Variants in ZNF611 observed in about 807,000 individuals in gnomAD.
ZNF611 encodes the protein zinc finger protein 611.
A neutral mutation model predicts 8.9 loss-of-function variants in ZNF611; 6 were observed. The ratio of observed to expected loss-of-function variants is 0.68; its 90% CI spans 0.37 to 1.34. The LOEUF (loss-of-function observed/expected upper bound fraction) is 1.34, where lower values mean the gene tolerates loss of function less well. ZNF611 is among the 40% of genes most tolerant of loss of function. The pLI is 0.02. For synonymous variants in ZNF611, 262 were observed against 279.7 expected, an observed-to-expected ratio of 0.94 and a Z score of 0.63; for missense variants, 874 against 841.3, an observed-to-expected ratio of 1.04 and a Z score of -0.48.
At position 52,706,185 on chromosome 19, in the gene ZNF611, T is replaced by A. The variant is rs540713105; in HGVS notation, c.870A>T (p.Lys290Asn). The A allele has an allele frequency of 6.2e-7, 1 of 1,614,134 alleles. No individual in the cohort carries two copies. Among genetic ancestry groups the A allele is most frequent in the African/African-American group, 1.3e-5 (1 of 75,038 alleles). The change falls in exon 6 of 6, where the codon AAA becomes AAT. Residue 290 changes from lysine to asparagine, a missense_variant. Transcript: ENST00000652185. ...CHTVEKPYKCKECGKTFSQES... is the reference protein window; with the variant it reads ...CHTVEKPYKCNECGKTFSQES... ...CCTGACTGAAGGTCTTGCCACACTC[T>A]TTACACTTGTAAGGTTTCTCAACAG...
At chr19:52,719,717 C>T (rs1192028484) in intron 3 of ZNF611, among the ~76,000 whole-genome samples, 1 of 152,212 alleles carries the variant, frequency 6.6e-6, no homozygotes, top group African/African-American at 2.4e-5. Context: ...TCCCCCTGGA[C>T]TTCTGCTCAT....
At chr19:52,734,035 C>T (rs1396116873) in intron 1 of ZNF611, among the ~76,000 whole-genome samples, 1 of 152,032 alleles carries the variant, frequency 6.6e-6, no homozygotes, top group Non-Finnish European at 1.5e-5. Context: ...GCTCTGTCTG[C>T]CCTGGCTCCA....
At position 52,704,420 on chromosome 19, in the gene ZNF611, C is replaced by G; in HGVS notation, c.*517G>C. 4.3e-6 allele frequency: 3 copies of G among 695,622 alleles called. No individual in the cohort carries two copies. Among genetic ancestry groups the G allele is most frequent in the South Asian group, 4.3e-5 (3 of 70,340 alleles). 43.1% of individuals were successfully genotyped at this position (695,622 alleles called of 1,614,324 possible). A position where few individuals can be genotyped will look rare whatever the true frequency, so the allele number is the denominator to read the frequency against. ...TGTGAACGTGAAGCAAAGGCTTTGC[C>G]ACAATCATCACACTTGTGAGGTTTC... On this transcript the variant is annotated 3_prime_UTR_variant, in exon 6 of 6. Coordinates refer to ENST00000652185, the MANE Select transcript of ZNF611 (RefSeq NM_001161499.2).
chr19:52,727,268 A>G (rs758775515), intron 3 of ZNF611, among the ~76,000 whole-genome samples: 2 of 141,630 alleles, frequency 1.4e-5, no homozygotes, highest in Non-Finnish European at 2.9e-5. Flanking sequence ...GATAATAGAG[A>G]AAGAAAGAAT....
intron 5 of ZNF611, chr19:52,707,615 C>T (rs1310592442): frequency 1.3e-5 from 2 of 151,164 alleles, no homozygotes; most frequent in Non-Finnish European, 2.9e-5. Flanking sequence ...TAAGAACAGG[C>T]ACTTTGTGAC....
Position 52,704,436 on chromosome 19 carries a change from G to C in ZNF611, c.*501C>G. On this transcript the variant is annotated 3_prime_UTR_variant, in exon 6 of 6. Coordinates refer to ENST00000652185, the MANE Select transcript of ZNF611 (RefSeq NM_001161499.2). ...AGGCTTTGCCACAATCATCACACTT[G>C]TGAGGTTTCTCTCCTGTATAAATTC... 1.4e-6 allele frequency: 1 copy of C among 717,392 alleles called. No homozygotes were observed. The highest frequency in any genetic ancestry group is 2.6e-6 in the Non-Finnish European group (1 of 388,602). 44.4% of individuals were successfully genotyped at this position (717,392 alleles called of 1,614,324 possible).
intron 3 of ZNF611, among the ~76,000 whole-genome samples, chr19:52,722,905 G>GTTTTTTT (rs372056346): frequency 6.7e-5 from 8 of 119,976 alleles, no homozygotes; most frequent in Non-Finnish European, 1.0e-4. Flanking sequence ...TTTTGTTTTC[G>GTTTTTTT]TTTTTTTTTT....
intron 5 of ZNF611, among the ~76,000 whole-genome samples, chr19:52,709,658 C>T (rs1458927037): frequency 6.6e-6 from 1 of 151,930 alleles, no homozygotes; most frequent in Non-Finnish European, 1.5e-5. Context: ...ACCACCGCCT[C>T]GCAGGTTCAA....
intron 3 of ZNF611, among the ~76,000 whole-genome samples, chr19:52,721,940 C>G (rs139064924): frequency 6.3e-4 from 96 of 152,188 alleles, no homozygotes; most frequent in African/African-American, 2.2e-3. Context: ...CCCAGCTACT[C>G]AGGGGGTAGT....
intron 3 of ZNF611, among the ~76,000 whole-genome samples, chr19:52,716,481 G>A (rs1026487722): frequency 2.0e-5 from 3 of 152,214 alleles, no homozygotes; most frequent in Non-Finnish European, 4.4e-5. Flanking sequence ...CCCATGTTCT[G>A]GCTCTGCCCT....
In ZNF611 at chr19:52,705,702, C is replaced by A. The variant is rs1483584667; in HGVS notation, c.1353G>T (p.Glu451Asp). 6.2e-7 allele frequency: 1 copy of A among 1,613,966 alleles called. No homozygotes were observed. The highest frequency in any genetic ancestry group is 8.5e-7 in the Non-Finnish European group (1 of 1,179,886). ...LVCHHRLHGG[E>D]KSYKCKVCDK... ...CACAAACCTTACATTTGTAAGATTT[C>A]TCTCCACCATGAAGTCTATGATGGC... Residue 451 changes from glutamate (E) to aspartate (D), a missense_variant, in exon 6 of 6, where the codon GAG (glutamate) becomes GAT (aspartate). Glu to Asp is a conservative substitution (Grantham distance 45). Coordinates refer to ENST00000652185, the MANE Select transcript of ZNF611 (RefSeq NM_001161499.2).
intron 3 of ZNF611, among the ~76,000 whole-genome samples, 169 bp downstream of exon 3, chr19:52,728,561 A>G (rs928670127): frequency 2.6e-5 from 4 of 151,550 alleles, no homozygotes; most frequent in African/African-American, 9.8e-5. Context: ...GAAAAGAGAA[A>G]GAAAGAATAC....
Position 52,705,760 on chromosome 19 carries a change from CCA to C in ZNF611, c.1293_1294del (p.Cys431TrpfsTer15). 6.2e-7 allele frequency: 1 copy of C among 1,614,030 alleles called. No homozygotes were observed. The highest frequency in any genetic ancestry group is 1.1e-5 in the South Asian group (1 of 91,048). On this transcript the variant is annotated frameshift_variant, in exon 6 of 6. Coordinates refer to ENST00000652185, the MANE Select transcript of ZNF611 (RefSeq NM_001161499.2). LOFTEE classifies it low-confidence loss of function (END_TRUNC). ...GGATGACTTGTGACTGAAGGTCTTGCCACACTCATTACATTTATAAGTTTTCT... is the reference window on the plus strand; with the variant it reads ...GGATGACTTGTGACTGAAGGTCTTGCCACTCATTACATTTATAAGTTTTCT...
Position 52,713,239 on chromosome 19 carries a change from T to C in ZNF611, c.190+776A>G, listed in dbSNP as rs573022767. Reference sequence around the variant, plus strand: ...AACAACAACATAGAAATGAACAAGTTGAAAGCCACTGTGTCTTAAGGAAAT... The same window carrying C: ...AACAACAACATAGAAATGAACAAGTCGAAAGCCACTGTGTCTTAAGGAAAT... On this transcript the variant is annotated intron_variant, in intron 5 of 5. Coordinates refer to ENST00000652185, the MANE Select transcript of ZNF611 (RefSeq NM_001161499.2). 5.9e-5 allele frequency among the ~76,000 whole-genome samples: 9 copies of C among 152,146 alleles called. No homozygotes were observed. The South Asian group carries it at 1.9e-3, about 32-fold the overall frequency.
At chr19:52,722,200 A>AT (rs1274957423) in intron 3 of ZNF611, among the ~76,000 whole-genome samples, 2 of 152,024 alleles carry the variant, frequency 1.3e-5, no homozygotes, top group African/African-American at 4.8e-5. Context: ...TTTCTACAAA[A>AT]AAAATAAAAT....
chr19:52,719,125 C>T (rs1222144116), intron 3 of ZNF611, among the ~76,000 whole-genome samples: 2 of 152,008 alleles, frequency 1.3e-5, no homozygotes, highest in East Asian at 3.9e-4. Flanking sequence ...GTCAAGATCA[C>T]TCCACTGCAC....
At chr19:52,714,642 C>T (rs941457087) in intron 4 of ZNF611, among the ~76,000 whole-genome samples, 3 of 145,824 alleles carry the variant, frequency 2.1e-5, no homozygotes, top group African/African-American at 5.2e-5. Context: ...GAGCCAAGTT[C>T]GCACCACTGC....
intron 3 of ZNF611, among the ~76,000 whole-genome samples, chr19:52,716,570 G>A (rs1250874351): frequency 2.6e-5 from 4 of 152,198 alleles, no homozygotes; most frequent in Non-Finnish European, 5.9e-5. Context: ...AACAGGCAAT[G>A]TGGAGAAGGG....
chr19:52,731,737 G>A lies in ZNF611; in HGVS notation c.-221-1732C>T, dbSNP rs533274911. Among the ~76,000 whole-genome samples, 320 of 152,136 alleles carry A rather than the reference G, an allele frequency of 2.1e-3. 3 individuals are homozygous for A. The South Asian group carries it at 0.024, about 11-fold the overall frequency. ...CGTAATCCCAGCACTTTGGGAGGCCGAGGCAGGTGGATCACCTCAGGTCGG... is the reference window on the plus strand; with the variant it reads ...CGTAATCCCAGCACTTTGGGAGGCCAAGGCAGGTGGATCACCTCAGGTCGG... On this transcript the variant is annotated intron_variant, in intron 1 of 5. Transcript: ENST00000652185.
Sources: gnomAD v4.1 joint callset for allele counts (sites outside exome capture counted in the v4.1 genomes callset) on GRCh38, gnomAD v4.1.1 for gene constraint, MANE v1.5 for transcripts, NCBI Gene and HGNC (gene_info 2026-07-23, HGNC 2026-07-21) for gene names.